Variants in DNAJC5 observed in about 807,000 individuals in gnomAD.
DNAJC5 encodes dnaJ homolog subfamily C member 5.
Under a neutral mutation model 23.2 loss-of-function variants are expected in DNAJC5, and 1 was observed. The observed-to-expected ratio is 0.04, with a 90% CI of 0.02 to 0.20. The LOEUF is 0.20. DNAJC5 is among the 10% of genes least tolerant of loss of function. The pLI is 1.00. For missense variants in DNAJC5, 180 were observed against 267.0 expected, an observed-to-expected ratio of 0.67 and a Z score of 2.27; for synonymous variants, 136 against 120.0, an observed-to-expected ratio of 1.13 and a Z score of -0.87.
intron 1 of DNAJC5, among the ~76,000 whole-genome samples, chr20:63,914,364 G>A (rs2053502115): frequency 6.6e-6 from 1 of 152,186 alleles, no homozygotes; most frequent in Non-Finnish European, 1.5e-5. Context: ...GCCCAGGCTG[G>A]AGTGTAGTGG....
intron 1 of DNAJC5, among the ~76,000 whole-genome samples, chr20:63,898,189 G>T (rs928602854): frequency 6.6e-6 from 1 of 152,206 alleles, no homozygotes; most frequent in African/African-American, 2.4e-5. Context: ...TATCCTTAGA[G>T]CCCAGATGTG....
chr20:63,908,508 C>T (rs781648756), intron 1 of DNAJC5, among the ~76,000 whole-genome samples: 16 of 152,070 alleles, frequency 1.1e-4, no homozygotes, highest in African/African-American at 1.7e-4. Flanking sequence ...GTGGGTGTGC[C>T]GTTTGATTGG....
intron 1 of DNAJC5, among the ~76,000 whole-genome samples, chr20:63,924,477 T>C (rs1410966048): frequency 6.6e-6 from 1 of 152,206 alleles, no homozygotes; most frequent in African/African-American, 2.4e-5. Context: ...GCCTCGAGCT[T>C]CTGGGCTCAG....
At chr20:63,926,666 C>G (rs949643504) in intron 1 of DNAJC5, among the ~76,000 whole-genome samples, 2 of 152,166 alleles carry the variant, frequency 1.3e-5, no homozygotes, top group African/African-American at 4.8e-5. Flanking sequence ...GACACGTGGC[C>G]CCGCTCAGGC....
chr20:63,926,382 A>G (rs1186681446), intron 1 of DNAJC5, among the ~76,000 whole-genome samples: 1 of 152,122 alleles, frequency 6.6e-6, no homozygotes, highest in Non-Finnish European at 1.5e-5. Flanking sequence ...GTTTGTTTTC[A>G]TGGATTTCTG....
intron 1 of DNAJC5, among the ~76,000 whole-genome samples, chr20:63,912,164 A>G (rs1013843642): frequency 1.6e-4 from 25 of 152,076 alleles, no homozygotes; most frequent in Non-Finnish European, 3.1e-4. Context: ...TTATCTGGGC[A>G]TGGCGGCAGA....
At chr20:63,914,917 G>C (rs548840568) in intron 1 of DNAJC5, among the ~76,000 whole-genome samples, 19 of 152,334 alleles carry the variant, frequency 1.2e-4, no homozygotes, top group Admixed American at 2.0e-4. Context: ...CGCCCGGCCA[G>C]AGTGTGTAGC....
intron 1 of DNAJC5, among the ~76,000 whole-genome samples, chr20:63,901,667 C>T (rs2053413962): frequency 6.6e-6 from 1 of 152,218 alleles, no homozygotes; most frequent in Non-Finnish European, 1.5e-5. Flanking sequence ...GAGTGTGCGG[C>T]CCTGCCTGGC....
intron 1 of DNAJC5, among the ~76,000 whole-genome samples, chr20:63,910,280 C>T (rs2053474379): frequency 6.6e-6 from 1 of 151,870 alleles, no homozygotes; most frequent in Non-Finnish European, 1.5e-5. Context: ...CGCGGTGGCT[C>T]ACGCCTGTGG....
chr20:63,905,422 T>C (rs2053441884), intron 1 of DNAJC5, among the ~76,000 whole-genome samples: 1 of 151,848 alleles, frequency 6.6e-6, no homozygotes, highest in South Asian at 2.1e-4. Flanking sequence ...GGGGCTGGAT[T>C]TTTTTGTTTT....
chr20:63,903,978 C>T (rs972846236), intron 1 of DNAJC5, among the ~76,000 whole-genome samples: 1 of 152,014 alleles, frequency 6.6e-6, no homozygotes, highest in Non-Finnish European at 1.5e-5. Context: ...CCCAGCTACT[C>T]GAGAGGCTGA....
intron 1 of DNAJC5, among the ~76,000 whole-genome samples, chr20:63,919,050 T>C (rs1009795478): frequency 6.6e-6 from 1 of 152,232 alleles, no homozygotes; most frequent in Non-Finnish European, 1.5e-5. Flanking sequence ...CAGCAGCAGC[T>C]CTTTTATAAA....
Position 63,928,988 on chromosome 20 carries a change from AC to A in DNAJC5, c.108-322del, listed in dbSNP as rs1427061749. Among the ~76,000 whole-genome samples, 1 of 152,242 alleles carries A rather than the reference AC, an allele frequency of 6.6e-6. No homozygotes were observed. The highest frequency in any genetic ancestry group is 1.5e-5 in the Non-Finnish European group (1 of 68,042). On this transcript the variant is annotated intron_variant, in intron 2 of 4. Coordinates refer to ENST00000360864, the MANE Select transcript of DNAJC5 (RefSeq NM_025219.3). The surrounding 1 kb of genome is among the most constrained non-coding windows in gnomAD (Gnocchi z 4.6). Reference sequence around the variant, plus strand: ...GCCATCATTACGCCCCGCCGTGCTTACCGTTCACTTGGCACTTGTGCAGTTA... The same window carrying A: ...GCCATCATTACGCCCCGCCGTGCTTACGTTCACTTGGCACTTGTGCAGTTA...
In DNAJC5 at chr20:63,930,975, A is replaced by T; in HGVS notation, c.446A>T (p.Tyr149Phe). The T allele has an allele frequency of 6.2e-7, 1 of 1,614,104 alleles. No individual in the cohort carries two copies. The highest frequency in any genetic ancestry group is 8.5e-7 in the Non-Finnish European group (1 of 1,180,040). Residue 149 changes from tyrosine to phenylalanine, a missense_variant, in exon 4 of 5, where the codon TAC (tyrosine) becomes TTC (phenylalanine). By Grantham distance (22) the Tyr-to-Phe change is conservative. Around this residue, in one of 3 missense-constraint regions of DNAJC5, gnomAD observed 97 missense variants for 123.4 expected, o/e 0.79. Transcript: ENST00000360864. ...CCTGAAGGCGAGGAGACGGAGTTCT[A>T]CGTGTCCCCCGAGGATCTGGAGGCA... ...KAPEGEETEF[Y>F]VSPEDLEAQL...
chr20:63,897,713 T>G (rs527426549), intron 1 of DNAJC5, among the ~76,000 whole-genome samples: 1 of 152,368 alleles, frequency 6.6e-6, no homozygotes, highest in East Asian at 1.9e-4. Flanking sequence ...TGAGGTGGAA[T>G]GATCTCCCTG....
At chr20:63,922,659 A>AAT (rs2053582324) in intron 1 of DNAJC5, among the ~76,000 whole-genome samples, 3 of 152,042 alleles carry the variant, frequency 2.0e-5, no homozygotes, top group African/African-American at 7.2e-5. Context: ...AGTCCCACCT[A>AAT]TTCAGGAGGC....
chr20:63,929,534 G>T lies in DNAJC5; in HGVS notation c.321+9G>T. 1 of 1,613,312 alleles carries T rather than the reference G, an allele frequency of 6.2e-7. No individual in the cohort carries two copies. The highest frequency in any genetic ancestry group is 2.2e-5 in the East Asian group (1 of 44,852). On this transcript the variant is annotated intron_variant, in intron 3 of 4. Coordinates refer to ENST00000360864, the MANE Select transcript of DNAJC5 (RefSeq NM_025219.3). This position sits in a 1 kb window ranked among gnomAD's most constrained non-coding sequence, Gnocchi z 8.6. ...CCAGCTGGTGGGCCAAGGTGAGGGC[G>T]AGCTGCCTGCCGTGCGGGCACCCGA...
chr20:63,915,258 A>AG (rs2053508558), intron 1 of DNAJC5, among the ~76,000 whole-genome samples: 1 of 152,168 alleles, frequency 6.6e-6, no homozygotes, highest in South Asian at 2.1e-4. Flanking sequence ...TGAACAAAAA[A>AG]GGGGAAAAAC....
chr20:63,917,506 G>T (rs1473654226), intron 1 of DNAJC5, among the ~76,000 whole-genome samples: 1 of 151,972 alleles, frequency 6.6e-6, no homozygotes, highest in Non-Finnish European at 1.5e-5. Context: ...GCCCACCTTG[G>T]CCTCTCAAAG....
Sources: gnomAD v4.1 joint callset for allele counts (sites outside exome capture counted in the v4.1 genomes callset) on GRCh38, gnomAD v4.1.1 for gene constraint, gnomAD v4.1.1 regional missense constraint, Gnocchi (gnomAD v3.1) non-coding constraint, MANE v1.5 for transcripts, NCBI Gene and HGNC (gene_info 2026-07-23, HGNC 2026-07-21) for gene names.